The following TMC2 variants were observed in gnomAD, a reference collection of about 807,000 sequenced individuals.
The protein encoded by TMC2 is transmembrane channel-like protein 2.
In TMC2, 102 loss-of-function variants were observed where a neutral mutation model predicts 105.9. That is an observed-to-expected ratio of 0.96 (90% CI 0.82 to 1.14). The LOEUF is 1.14. Among genes scored for constraint, TMC2 ranks in the 50% most tolerant of loss-of-function variants. The pLI is 0.00. For synonymous variants in TMC2, 402 were observed against 422.8 expected, an observed-to-expected ratio of 0.95 and a Z score of 0.60; for missense variants, 1,093 against 1,134.3, an observed-to-expected ratio of 0.96 and a Z score of 0.52.
chr20:2,613,655 G>C (rs1025762390), intron 14 of TMC2: 7 of 340,338 alleles, frequency 2.1e-5, no homozygotes, highest in Non-Finnish European at 4.0e-5. Flanking sequence ...TCTCATTATG[G>C]GGGCTGAAAT....
At chr20:2,546,200 A>T (rs1269093106) in intron 2 of TMC2, among the ~76,000 whole-genome samples, 1 of 152,184 alleles carries the variant, frequency 6.6e-6, no homozygotes, top group Admixed American at 6.5e-5. Context: ...CCAATGGTTG[A>T]GTTCAGTTAC....
At chr20:2,548,396 T>C (rs190683664) in intron 2 of TMC2, among the ~76,000 whole-genome samples, 220 of 152,286 alleles carry the variant, frequency 1.4e-3, no homozygotes, top group African/African-American at 5.0e-3. Context: ...CCCAGCACTT[T>C]GGGAGGCCAA....
In TMC2 at chr20:2,580,049, T is replaced by A; in HGVS notation, c.827T>A (p.Ile276Asn). Reference sequence around the variant, plus strand: ...GGCTTAATATTTGGTCTAGTCATAATCCCAGAGGTAAGAAAAGAACTTCCT... The same window carrying A: ...GGCTTAATATTTGGTCTAGTCATAAACCCAGAGGTAAGAAAAGAACTTCCT... ...LFGLIFGLVI[I>N]PEVLMGMPYG... The change falls in exon 7 of 20, where the codon ATC (isoleucine) becomes AAC (asparagine). Residue 276 changes from isoleucine to asparagine, a missense_variant. Transcript: ENST00000358864. 6.2e-7 allele frequency: 1 copy of A among 1,604,952 alleles called. No individual in the cohort carries two copies. Among genetic ancestry groups the A allele is most frequent in the South Asian group, 1.1e-5 (1 of 90,852 alleles).
intron 2 of TMC2, among the ~76,000 whole-genome samples, chr20:2,550,818 GTTCAT>G (rs1478126936): frequency 1.3e-5 from 2 of 152,162 alleles, no homozygotes; most frequent in South Asian, 2.1e-4. Flanking sequence ...TCGCTTGAAA[GTTCAT>G]TTCATCACTG....
rs897034510 is a variant in TMC2 at position 2,615,609 on chromosome 20, TG to T, written c.1873-525del. On this transcript the variant is annotated intron_variant, in intron 14 of 19. Transcript: ENST00000358864. ...GGTAGGCTGAAAATATGAACCAAGC[TG>T]GGTGCTTTCCTTTCCGTGAACTGCT... Among the ~76,000 whole-genome samples the T allele has an allele frequency of 2.2e-3, 337 of 152,334 alleles. 3 individuals are homozygous for T. Among genetic ancestry groups the T allele is most frequent in the African/African-American group, 7.7e-3 (321 of 41,574 alleles).
At chr20:2,542,772 A>C (rs1600093239) in intron 2 of TMC2, among the ~76,000 whole-genome samples, 2 of 150,364 alleles carry the variant, frequency 1.3e-5, no homozygotes, top group East Asian at 3.9e-4. Flanking sequence ...GCTCACTGCA[A>C]CCTCCGCCTC....
At chr20:2,594,726 T>G in intron 8 of TMC2, 99 bp from the exon 9 acceptor site, 1 of 1,334,166 alleles carries the variant, frequency 7.5e-7, no homozygotes, top group Non-Finnish European at 1.0e-6. Context: ...TAGATTCGGT[T>G]AAGACTCTGA....
rs6050579 is a variant in TMC2, at chr20:2,610,728, A to T, written c.1593+130A>T. On this transcript the variant is annotated intron_variant, in intron 12 of 19. Coordinates refer to ENST00000358864, the MANE Select transcript of TMC2 (RefSeq NM_080751.3). ...AATGTAAATTAAGAAAAATAAAATTAAAAAAAAACTCCTTGGACTCTATGA... is the reference window on the plus strand; with the variant it reads ...AATGTAAATTAAGAAAAATAAAATTTAAAAAAAACTCCTTGGACTCTATGA... 8.6e-3 allele frequency: 4,400 copies of T among 513,662 alleles called. 168 individuals carry two copies. The highest frequency in any genetic ancestry group is 0.079 in the African/African-American group (3,815 of 48,264). 31.8% of individuals were successfully genotyped at this position (513,662 alleles called of 1,614,324 possible). A position where few individuals can be genotyped will look rare whatever the true frequency, so the allele number is the denominator to read the frequency against.
chr20:2,621,638 C>T (rs2086525908), intron 16 of TMC2, among the ~76,000 whole-genome samples: 1 of 152,204 alleles, frequency 6.6e-6, no homozygotes, highest in African/African-American at 2.4e-5. Context: ...CACTGCACTC[C>T]AGACTGGGCA....
rs150908447 is a variant in TMC2, at chr20:2,574,198, T to C, written c.645+1929T>C. ...ATTAAACACCTTTTCCTTTATGTTATTAATTTTTTTTTATTTCTGGGATAA... is the reference window on the plus strand; with the variant it reads ...ATTAAACACCTTTTCCTTTATGTTACTAATTTTTTTTTATTTCTGGGATAA... On this transcript the variant is annotated intron_variant, in intron 5 of 19. Coordinates refer to ENST00000358864, the MANE Select transcript of TMC2 (RefSeq NM_080751.3). 2.8e-3 allele frequency among the ~76,000 whole-genome samples: 419 copies of C among 152,344 alleles called. 2 individuals are homozygous for C. Among genetic ancestry groups the C allele is most frequent in the African/African-American group, 9.3e-3 (385 of 41,584 alleles).
chr20:2,597,974 T>A (rs1395270614), intron 10 of TMC2, among the ~76,000 whole-genome samples: 1 of 152,202 alleles, frequency 6.6e-6, no homozygotes, highest in Non-Finnish European at 1.5e-5. Context: ...TGGGATCCAC[T>A]AACAGAGACT....
intron 4 of TMC2, among the ~76,000 whole-genome samples, chr20:2,570,456 G>T (rs548581359): frequency 6.6e-6 from 1 of 152,092 alleles, no homozygotes; most frequent in Non-Finnish European, 1.5e-5. Context: ...AACCAAGGAG[G>T]TGAAAGATCT....
intron 4 of TMC2, among the ~76,000 whole-genome samples, chr20:2,563,296 G>A (rs894115094): frequency 3.3e-5 from 5 of 152,202 alleles, no homozygotes; most frequent in South Asian, 4.1e-4. Context: ...CTTACCCCAC[G>A]GCCCTGCAAA....
intron 14 of TMC2, among the ~76,000 whole-genome samples, chr20:2,614,933 G>A (rs17325560): frequency 0.13 from 19,222 of 152,162 alleles, 1,569 homozygotes; most frequent in Middle Eastern, 0.22. Flanking sequence ...AAGAAAGCAT[G>A]TACAAACTTA....
chr20:2,592,498 T>C lies in TMC2; in HGVS notation c.933+90T>C. 7 of 925,190 alleles carry C rather than the reference T, an allele frequency of 7.6e-6. No individual in the cohort carries two copies. Among genetic ancestry groups the C allele is most frequent in the South Asian group, 1.4e-5 (1 of 73,422 alleles). The allele number at this position is 925,190 out of a possible 1,614,324, so 57.3% of individuals were successfully genotyped here. A position where few individuals can be genotyped will look rare whatever the true frequency, so the allele number is the denominator to read the frequency against. On this transcript the variant is annotated intron_variant, in intron 8 of 19. Coordinates refer to ENST00000358864, the MANE Select transcript of TMC2 (RefSeq NM_080751.3). The surrounding 1 kb of genome is among the most constrained non-coding windows in gnomAD (Gnocchi z 4.9). ...AAGTATGAAATAGTGCGTTTAATTATTGAAAAACCATTGCTTTAATAGGAT... is the reference window on the plus strand; with the variant it reads ...AAGTATGAAATAGTGCGTTTAATTACTGAAAAACCATTGCTTTAATAGGAT...
rs186977735 is a variant in TMC2, at chr20:2,637,548, A to G, written c.2460A>G (p.Lys820=). 6.2e-7 allele frequency: 1 copy of G among 1,614,088 alleles called. No homozygotes were observed. Among genetic ancestry groups the G allele is most frequent in the East Asian group, 2.2e-5 (1 of 44,876 alleles). Residue 820 remains lysine, a synonymous_variant, in exon 19 of 20, where the codon AAA becomes AAG. Coordinates refer to ENST00000358864, the MANE Select transcript of TMC2 (RefSeq NM_080751.3). Reference sequence around the variant, plus strand: ...CCAGAGATTCAGAGGACACACCTAAAAGCAGCTCCAAAAATGCCACCCAGC... The same window carrying G: ...CCAGAGATTCAGAGGACACACCTAAGAGCAGCTCCAAAAATGCCACCCAGC... The part of the protein sequence containing the change: ...ATARDSEDTP[K]SSSKNATQLQ...
At chr20:2,587,577 G>A (rs946967437) in intron 7 of TMC2, among the ~76,000 whole-genome samples, 3 of 151,728 alleles carry the variant, frequency 2.0e-5, no homozygotes, top group Non-Finnish European at 4.4e-5. Flanking sequence ...TTTTCCTGTG[G>A]TAGGTTTAGG....
chr20:2,549,020 C>A (rs1454533200), intron 2 of TMC2, among the ~76,000 whole-genome samples: 1 of 152,094 alleles, frequency 6.6e-6, no homozygotes, highest in Non-Finnish European at 1.5e-5. Flanking sequence ...AGTTCATTTG[C>A]CAAATTTTTA....
chr20:2,566,362 C>A (rs1036847712), intron 4 of TMC2, among the ~76,000 whole-genome samples: 4 of 152,158 alleles, frequency 2.6e-5, no homozygotes, highest in East Asian at 3.8e-4. Context: ...CTATGCTGAG[C>A]CCTGAGAGAT....
Sources: allele counts gnomAD v4.1 joint callset (sites outside exome capture counted in the v4.1 genomes callset), GRCh38; gene constraint gnomAD v4.1.1; non-coding constraint Gnocchi (gnomAD v3.1); transcripts MANE v1.5; gene names NCBI Gene and HGNC (gene_info 2026-07-23, HGNC 2026-07-21).